Variants in HCFC2 observed in about 807,000 individuals in gnomAD.
HCFC2 encodes the protein host cell factor C2, also known as host cell factor 2.
In HCFC2, 18 loss-of-function variants were observed where a neutral mutation model predicts 89.2. The observed-to-expected ratio is 0.20, with a 90% confidence interval of 0.14 to 0.30. HCFC2 has a LOEUF of 0.30. Ranked by LOEUF, HCFC2 falls within the 10% of genes least tolerant of loss-of-function variation. The probability of loss-of-function intolerance (pLI) is 1.00; values close to 1 mark genes in which losing one functional copy is unlikely to be tolerated. For missense variants in HCFC2, 578 were observed against 956.1 expected (o/e 0.60, Z 5.21); for synonymous variants, 308 against 335.7 (o/e 0.92, Z 0.90).
chr12:104,088,494 C>T (rs11111891), intron 9 of HCFC2, among the ~76,000 whole-genome samples: 2 of 152,184 alleles, frequency 1.3e-5, no homozygotes, highest in African/African-American at 4.8e-5. Flanking sequence ...ATATCAGTTA[C>T]TAAATTGAAC....
At chr12:104,073,543 G>T (rs1883405044) in intron 3 of HCFC2, among the ~76,000 whole-genome samples, 1 of 152,028 alleles carries the variant, frequency 6.6e-6, no homozygotes, top group Admixed American at 6.5e-5. Flanking sequence ...TTCTGGTTTT[G>T]AATCTTGCTT....
intron 9 of HCFC2, among the ~76,000 whole-genome samples, chr12:104,091,245 A>G (rs544639089): frequency 3.1e-4 from 47 of 152,266 alleles, no homozygotes; most frequent in Middle Eastern, 3.4e-3. Context: ...AATGGAGGAG[A>G]GGAATTTCTC....
chr12:104,086,196 C>T (rs368761947), intron 7 of HCFC2, among the ~76,000 whole-genome samples: 1 of 152,046 alleles, frequency 6.6e-6, no homozygotes, highest in South Asian at 2.1e-4. Context: ...TGGGGTTTCA[C>T]CATGTTGGCC....
rs1593615522 is a variant in HCFC2, at chr12:104,103,600, T to C, written c.*327T>C. 4.1e-6 allele frequency: 1 copy of C among 246,394 alleles called. No homozygotes were observed. The highest frequency in any genetic ancestry group is 6.8e-5 in the South Asian group (1 of 14,710). 15.3% of individuals were successfully genotyped at this position (246,394 alleles called of 1,614,324 possible). A position where few individuals can be genotyped will look rare whatever the true frequency, so the allele number is the denominator to read the frequency against. On this transcript the variant is annotated 3_prime_UTR_variant, in exon 15 of 15. Coordinates refer to ENST00000229330, the MANE Select transcript of HCFC2 (RefSeq NM_013320.3). ...GTGTAACCCAGTCATCCTAGAGTTA[T>C]TGAGATGATTCTGGTAACTGGCTGT...
rs781183803 is a variant in HCFC2, at chr12:104,105,846, T to C, written c.*2573T>C. 1 of 152,074 alleles carries C rather than the reference T, an allele frequency of 6.6e-6. No individual in the cohort carries two copies. Among genetic ancestry groups the C allele is most frequent in the African/African-American group, 2.4e-5 (1 of 41,440 alleles). The allele number at this position is 152,074 out of a possible 1,614,324, so 9.4% of individuals were successfully genotyped here. A position where few individuals can be genotyped will look rare whatever the true frequency, so the allele number is the denominator to read the frequency against. On this transcript the variant is annotated 3_prime_UTR_variant, in exon 15 of 15. Transcript: ENST00000229330. ...GGCTGTATCATGCAGATATTTTTCA[T>C]AGGATTTGCACTGAGTTAAATGACT... is the stretch of plus-strand genomic sequence containing the variant.
At chr12:104,066,533 C>G (rs959223265) in intron 2 of HCFC2, among the ~76,000 whole-genome samples, 1 of 152,170 alleles carries the variant, frequency 6.6e-6, no homozygotes, top group African/African-American at 2.4e-5. Context: ...CACTTAAAAC[C>G]CAAAGTTTCC....
intron 9 of HCFC2, among the ~76,000 whole-genome samples, chr12:104,089,387 G>A (rs371206228): frequency 6.6e-6 from 1 of 152,070 alleles, no homozygotes; most frequent in Admixed American, 6.5e-5. Context: ...ATGGTGGCGG[G>A]TGCCTGTAGT....
intron 3 of HCFC2, among the ~76,000 whole-genome samples, chr12:104,070,179 C>T (rs1883276364): frequency 6.6e-6 from 1 of 151,950 alleles, no homozygotes; most frequent in African/African-American, 2.4e-5. Flanking sequence ...CCCACCACCA[C>T]GCCCTGCTAA....
Position 104,068,161 on chromosome 12 carries a change from T to C in HCFC2, c.473+54T>C. 4 of 1,409,040 alleles carry C rather than the reference T, an allele frequency of 2.8e-6. No homozygotes were observed. Among genetic ancestry groups the C allele is most frequent in the Non-Finnish European group, 3.8e-6 (4 of 1,056,296 alleles). The allele number at this position is 1,409,040 out of a possible 1,614,324, so 87.3% of individuals were successfully genotyped here. ...TATTTTATGATTTAGAGTAGGAACA[T>C]TTTATTTTTTCCATCTTTAATTTTT... On this transcript the variant is annotated intron_variant, in intron 3 of 14. Transcript: ENST00000229330. This position sits in a 1 kb window ranked among gnomAD's most constrained non-coding sequence, Gnocchi z 4.1.
At position 104,095,965 on chromosome 12, in the gene HCFC2, CT is replaced by C. The variant is rs1224603831; in HGVS notation, c.1667-387del. Among the ~76,000 whole-genome samples, 1 of 151,824 alleles carries C rather than the reference CT, an allele frequency of 6.6e-6. No homozygotes were observed. The highest frequency in any genetic ancestry group is 2.4e-5 in the African/African-American group (1 of 41,360). On this transcript the variant is annotated intron_variant, in intron 11 of 14. Transcript: ENST00000229330. This position sits in a 1 kb window ranked among gnomAD's most constrained non-coding sequence, Gnocchi z 4.2. ...TCCTACCATGAATAAATTTAGCAAACTTTTTTTTAGACAAGATTGGTTCTAG... is the reference window on the plus strand; with the variant it reads ...TCCTACCATGAATAAATTTAGCAAACTTTTTTTAGACAAGATTGGTTCTAG...
At chr12:104,089,688 T>C (rs1322554954) in intron 9 of HCFC2, among the ~76,000 whole-genome samples, 1 of 152,164 alleles carries the variant, frequency 6.6e-6, no homozygotes, top group Non-Finnish European at 1.5e-5. Flanking sequence ...CCTTCACATA[T>C]TTTTAGTAGA....
chr12:104,064,550 G>T lies in HCFC2; in HGVS notation c.-11G>T. The T allele has an allele frequency of 6.7e-7, 1 of 1,499,802 alleles. No homozygotes were observed. 92.9% of individuals were successfully genotyped at this position (1,499,802 alleles called of 1,614,324 possible). On this transcript the variant is annotated 5_prime_UTR_variant, in exon 1 of 15. Transcript: ENST00000229330. This position sits in a 1 kb window ranked among gnomAD's most constrained non-coding sequence, Gnocchi z 7.3. Reference sequence around the variant, plus strand: ...CGGTGCATTGTGGGCAGAGGGGCGGGGGTTGGGAAGATGGCGGCTCCCAGC... The same window carrying T: ...CGGTGCATTGTGGGCAGAGGGGCGGTGGTTGGGAAGATGGCGGCTCCCAGC...
chr12:104,065,047 C>A (rs1407434785), intron 1 of HCFC2: 1 of 259,322 alleles, frequency 3.9e-6, no homozygotes, highest in East Asian at 7.2e-5. Context: ...TGGGCCACTC[C>A]CCGAAATCTC....
At position 104,064,677 on chromosome 12, in the gene HCFC2, A is replaced by AG; in HGVS notation, c.122dup (p.Asn42LysfsTer2). 1 of 1,576,696 alleles carries AG rather than the reference A, an allele frequency of 6.3e-7. No homozygotes were observed. The highest frequency in any genetic ancestry group is 8.6e-7 in the Non-Finnish European group (1 of 1,163,786). ...TCCGGGAGCTGATGATCATCTTTGG[A>AG]GGGGGAAATGAGGGCATCGCGGATG... On this transcript the variant is annotated frameshift_variant, in exon 1 of 15. Coordinates refer to ENST00000229330, the MANE Select transcript of HCFC2 (RefSeq NM_013320.3). LOFTEE classifies it high-confidence loss of function. The surrounding 1 kb of genome is among the most constrained non-coding windows in gnomAD (Gnocchi z 7.3).
chr12:104,072,976 T>C (rs1883375429), intron 3 of HCFC2, among the ~76,000 whole-genome samples: 1 of 152,028 alleles, frequency 6.6e-6, no homozygotes, highest in African/African-American at 2.4e-5. Flanking sequence ...TCTGGATTGT[T>C]CATTGCTAGT....
At chr12:104,093,028 G>A (rs940255233) in intron 9 of HCFC2, among the ~76,000 whole-genome samples, 1 of 152,108 alleles carries the variant, frequency 6.6e-6, no homozygotes, top group African/African-American at 2.4e-5. Flanking sequence ...ATACATGTCT[G>A]CCCTTTAAGA....
At chr12:104,091,247 G>A (rs934005906) in intron 9 of HCFC2, among the ~76,000 whole-genome samples, 2 of 152,184 alleles carry the variant, frequency 1.3e-5, no homozygotes, top group African/African-American at 4.8e-5. Flanking sequence ...TGGAGGAGAG[G>A]AATTTCTCTG....
At chr12:104,098,598 C>T (rs1884246802) in intron 13 of HCFC2, 118 bp downstream of exon 13, 1 of 1,033,646 alleles carries the variant, frequency 9.7e-7, no homozygotes, top group Admixed American at 2.4e-5. Context: ...TTTTTAGAAC[C>T]CTGATTCAGG....
chr12:104,100,851 A>G (rs1163198413), intron 13 of HCFC2, among the ~76,000 whole-genome samples: 3 of 152,134 alleles, frequency 2.0e-5, no homozygotes, highest in Admixed American at 6.5e-5. Context: ...GTCTGTGTCT[A>G]GGGGCCTAGT....
Sources: allele counts gnomAD v4.1 joint callset (sites outside exome capture counted in the v4.1 genomes callset), GRCh38; gene constraint gnomAD v4.1.1; non-coding constraint Gnocchi (gnomAD v3.1); transcripts MANE v1.5; gene names NCBI Gene and HGNC (gene_info 2026-07-23, HGNC 2026-07-21).